DLGAP1: variants seen among roughly 807,000 people sequenced by gnomAD.
DLGAP1 encodes the protein disks large-associated protein 1.
DLGAP1 carries 11 observed loss-of-function variants against 90.8 expected under a neutral mutation model. That is an observed-to-expected ratio of 0.12 (90% CI 0.08 to 0.20). The LOEUF (loss-of-function observed/expected upper bound fraction) is 0.20, where lower values mean the gene tolerates loss of function less well. Among genes scored for constraint, DLGAP1 ranks in the 10% least tolerant of loss-of-function variants. The pLI, the probability that DLGAP1 is intolerant of heterozygous loss-of-function variation, is 1.00. For synonymous variants in DLGAP1, 558 were observed against 540.7 expected (o/e 1.03, Z -0.44); for missense variants, 1,050 against 1,333.8 (o/e 0.79, Z 3.31).
intron 7 of DLGAP1, among the ~76,000 whole-genome samples, chr18:3,692,221 A>C (rs1207521078): frequency 6.6e-6 from 1 of 152,232 alleles, no homozygotes; most frequent in African/African-American, 2.4e-5. Flanking sequence ...TCAAAGGTTA[A>C]GTGCCTCTTA....
chr18:4,171,845 A>G (rs535671386), intron 1 of DLGAP1, among the ~76,000 whole-genome samples: 1 of 152,190 alleles, frequency 6.6e-6, no homozygotes, highest in Non-Finnish European at 1.5e-5. Context: ...GCCAACTTAC[A>G]TCCTTTTCAC....
chr18:3,583,194 C>T (rs867362447), intron 7 of DLGAP1, among the ~76,000 whole-genome samples: 24 of 146,544 alleles, frequency 1.6e-4, no homozygotes, highest in South Asian at 4.3e-4. Context: ...ACCTTCCTTC[C>T]TTCCTTCCTT....
chr18:4,448,063 C>T (rs1352820780), intron 1 of DLGAP1, among the ~76,000 whole-genome samples: 3 of 152,158 alleles, frequency 2.0e-5, no homozygotes, highest in Admixed American at 2.0e-4. Context: ...TTTGCACCTC[C>T]ACGTCTATGC....
chr18:4,280,658 T>C (rs1030565417), intron 1 of DLGAP1: 1 of 152,234 alleles, frequency 6.6e-6, no homozygotes, highest in Non-Finnish European at 1.5e-5. Context: ...AATTAGACTT[T>C]TCTACAGTCT....
intron 3 of DLGAP1, among the ~76,000 whole-genome samples, chr18:3,897,864 G>T (rs535384404): frequency 2.5e-4 from 35 of 141,202 alleles, no homozygotes; most frequent in East Asian, 4.2e-4. Context: ...GCGCAATCTC[G>T]GCTCACTGCA....
chr18:4,091,614 G>T (rs981926271), intron 2 of DLGAP1, among the ~76,000 whole-genome samples: 1 of 152,000 alleles, frequency 6.6e-6, no homozygotes, highest in African/African-American at 2.4e-5. Flanking sequence ...GACCTATTAA[G>T]TTCATTGATT....
rs2083904372 is a variant in DLGAP1 at position 4,454,044 on chromosome 18, T to A, written c.-267+962A>T. Among the ~76,000 whole-genome samples the A allele has an allele frequency of 6.6e-6, 1 of 152,138 alleles. No individual in the cohort carries two copies. The highest frequency in any genetic ancestry group is 1.5e-5 in the Non-Finnish European group (1 of 68,020). On this transcript the variant is annotated intron_variant, in intron 1 of 12. Transcript: ENST00000315677. This position sits in a 1 kb window ranked among gnomAD's most constrained non-coding sequence, Gnocchi z 4.7. ...GCGGCACTCGGACACAGGCACTCAG[T>A]GTCTCCGGCGCCGGCAGCCGAGCCA... is the stretch of plus-strand genomic sequence containing the variant.
intron 2 of DLGAP1, among the ~76,000 whole-genome samples, chr18:4,146,624 C>T (rs532965093): frequency 6.6e-6 from 1 of 152,132 alleles, no homozygotes; most frequent in Admixed American, 6.6e-5. Flanking sequence ...GGGGCTAGGA[C>T]ATTTATGTTT....
chr18:4,051,320 G>A (rs1449133527), intron 2 of DLGAP1, among the ~76,000 whole-genome samples: 1 of 152,162 alleles, frequency 6.6e-6, no homozygotes, highest in Non-Finnish European at 1.5e-5. Flanking sequence ...AAGGAAAGAG[G>A]CTTAATTGAC....
chr18:4,088,429 T>TTGTGTGTG (rs35217865), intron 2 of DLGAP1, among the ~76,000 whole-genome samples: 1 of 148,346 alleles, frequency 6.7e-6, no homozygotes, highest in Admixed American at 6.6e-5. Context: ...TAATTTTCCT[T>TTGTGTGTG]TGTGTGTGTG....
At chr18:4,054,506 A>C (rs2075183762) in intron 2 of DLGAP1, among the ~76,000 whole-genome samples, 1 of 152,240 alleles carries the variant, frequency 6.6e-6, no homozygotes, top group South Asian at 2.1e-4. Flanking sequence ...ACTACACAAC[A>C]GTACACATAG....
chr18:3,809,544 T>C (rs2066727175), intron 5 of DLGAP1, among the ~76,000 whole-genome samples: 1 of 152,184 alleles, frequency 6.6e-6, no homozygotes, highest in Non-Finnish European at 1.5e-5. Context: ...TTTATCAAAA[T>C]TGCTAGGAGC....
chr18:4,363,488 A>AT (rs1183166787), intron 1 of DLGAP1, among the ~76,000 whole-genome samples: 2 of 152,120 alleles, frequency 1.3e-5, no homozygotes, highest in African/African-American at 4.8e-5. Flanking sequence ...TTAAGAGAAA[A>AT]TTTTCGCAAC....
intron 2 of DLGAP1, among the ~76,000 whole-genome samples, chr18:4,099,387 T>C (rs2075742126): frequency 6.6e-6 from 1 of 152,048 alleles, no homozygotes; most frequent in African/African-American, 2.4e-5. Context: ...ACCTTGGAGA[T>C]AGTGCGGGTT....
intron 4 of DLGAP1, among the ~76,000 whole-genome samples, chr18:3,875,039 G>A (rs73940242): frequency 0.05 from 7,640 of 152,252 alleles, 605 homozygotes; most frequent in African/African-American, 0.17. Context: ...CGCAAAGAGA[G>A]AAGCAGAGCT....
chr18:4,046,923 G>C (rs1247119892), intron 2 of DLGAP1, among the ~76,000 whole-genome samples: 1 of 152,232 alleles, frequency 6.6e-6, no homozygotes, highest in East Asian at 1.9e-4. Context: ...TGCAGGAGAT[G>C]TGACAATTTT....
chr18:3,846,033 T>C (rs955586707), intron 4 of DLGAP1, among the ~76,000 whole-genome samples: 9 of 138,442 alleles, frequency 6.5e-5, no homozygotes, highest in Non-Finnish European at 1.1e-4. Flanking sequence ...GAAAATCTTA[T>C]TGAAAGTGTG....
chr18:4,252,569 C>G (rs547345494), intron 1 of DLGAP1, among the ~76,000 whole-genome samples: 1 of 152,198 alleles, frequency 6.6e-6, no homozygotes, highest in East Asian at 1.9e-4. Flanking sequence ...TTGCACAAAA[C>G]AGCAGTCATG....
At chr18:4,399,463 T>C (rs2082506283) in intron 1 of DLGAP1, among the ~76,000 whole-genome samples, 1 of 152,202 alleles carries the variant, frequency 6.6e-6, no homozygotes, top group African/African-American at 2.4e-5. Context: ...AAACTGAGCG[T>C]CAGAACGCTT....
Sources: allele counts gnomAD v4.1 joint callset (sites outside exome capture counted in the v4.1 genomes callset), GRCh38; gene constraint gnomAD v4.1.1; non-coding constraint Gnocchi (gnomAD v3.1); transcripts MANE v1.5; gene names NCBI Gene and HGNC (gene_info 2026-07-23, HGNC 2026-07-21).